Variants in ARX observed in about 807,000 individuals in gnomAD.
ARX encodes aristaless related homeobox.
ARX carries 1 observed loss-of-function variant against 23.1 expected under a neutral mutation model. The observed-to-expected ratio is 0.04, with a 90% confidence interval of 0.02 to 0.21. The LOEUF is 0.21. Ranked by LOEUF, ARX falls within the 10% of genes least tolerant of loss-of-function variation. The pLI is 1.00. For synonymous variants in ARX, 301 were observed against 270.1 expected (o/e 1.11, Z -1.12); for missense variants, 380 against 527.5 (o/e 0.72, Z 2.74).
chrX:25,008,571 C>T (rs1274227667), intron 3 of ARX, among the ~76,000 whole-genome samples: 2 of 111,811 alleles, frequency 1.8e-5, no homozygotes, highest in African/African-American at 6.5e-5. Context: ...GCTCATCACA[C>T]CCACAGCTGG....
intron 1 of ARX, among the ~76,000 whole-genome samples, chrX:25,015,110 A>G (rs1054307338): frequency 1.8e-5 from 2 of 111,943 alleles, no homozygotes; most frequent in Non-Finnish European, 3.8e-5. Context: ...TTGCATATAC[A>G]GAAATCTTCC....
At chrX:25,010,172 C>T (rs1014380289) in intron 3 of ARX, 88 bp downstream of exon 3, 15 of 949,976 alleles carry the variant, frequency 1.6e-5, no homozygotes, top group Non-Finnish European at 2.2e-5. Flanking sequence ...ATCTCACCCC[C>T]CGCACCCCCC....
Position 25,004,808 on chromosome X carries a change from C to T in ARX, c.1551G>A (p.Leu517=). ...AVEGAVASGA[L]ADPATAAADR... ...CTGCGGCCGCCGTGGCCGGGTCGGC[C>T]AGGGCGCCCGATGCCACTGCGCCCT... The change falls in exon 5 of 5, where the codon CTG becomes CTA. Residue 517 remains leucine, a synonymous_variant. Transcript: ENST00000379044. 2 of 1,174,488 alleles carry T rather than the reference C, an allele frequency of 1.7e-6. No individual in the cohort carries two copies. Among genetic ancestry groups the T allele is most frequent in the Non-Finnish European group, 2.3e-6 (2 of 877,351 alleles).
chrX:25,015,721 T>C lies in ARX; in HGVS notation c.17A>G (p.Gln6Arg). The change falls in exon 1 of 5, where the codon CAG (glutamine) becomes CGG (arginine). Residue 6 changes from glutamine to arginine, a missense_variant. Coordinates refer to ENST00000379044, the MANE Select transcript of ARX (RefSeq NM_139058.3). ...GGGCCTCTCGGAGCAGCCCTCCTCC[T>C]GGTACTGATTGCTCATGGCTGGGGC... is the stretch of plus-strand genomic sequence containing the variant. MSNQY[Q>R]EEGCSERPEC... 1 of 1,198,491 alleles carries C rather than the reference T, an allele frequency of 8.3e-7. No homozygotes were observed. The highest frequency in any genetic ancestry group is 1.1e-6 in the Non-Finnish European group (1 of 887,498).
chrX:25,011,139 G>A (rs770797593), intron 2 of ARX, among the ~76,000 whole-genome samples: 7 of 112,243 alleles, frequency 6.2e-5, no homozygotes, highest in African/African-American at 1.9e-4. Flanking sequence ...TTGGCCCTCC[G>A]GCTCGCTAAT....
intron 2 of ARX, among the ~76,000 whole-genome samples, chrX:25,011,213 A>G (rs1343320606): frequency 8.9e-6 from 1 of 112,343 alleles, no homozygotes; most frequent in Non-Finnish European, 1.9e-5. Flanking sequence ...CCCCCAGTCC[A>G]CACCTGAAAC....
rs763796730 is a variant in ARX at position 25,015,613 on chromosome X, C to T, written c.125G>A (p.Arg42Gln). The change falls in exon 1 of 5, where the codon CGG becomes CAG. Residue 42 changes from arginine (R) to glutamine (Q), a missense_variant. Arg to Gln is a conservative substitution (Grantham distance 43, BLOSUM62 1). Coordinates refer to ENST00000379044, the MANE Select transcript of ARX (RefSeq NM_139058.3). ...CAAGCTCTGCGCGGCTCCCAGCAAC[C>T]GCATTTTGCACGGGCTCCTCCGGCC... ...ILGRRSPCKM[R>Q]LLGAAQSLPA... 8.3e-7 allele frequency: 1 copy of T among 1,210,344 alleles called. No homozygotes were observed. The highest frequency in any genetic ancestry group is 1.1e-6 in the Non-Finnish European group (1 of 894,757).
chrX:25,013,465 T>G lies in ARX; in HGVS notation c.530A>C (p.Glu177Ala), dbSNP rs1172475228. Reference sequence around the variant, plus strand: ...CGGCGGCACGAAGGGCGCCCCGTTCTCGCGGTACGACTTGCTGCGGCTGAT... The same window carrying G: ...CGGCGGCACGAAGGGCGCCCCGTTCGCGCGGTACGACTTGCTGCGGCTGAT... Reference protein sequence around the residue: ...VSISRSKSYRENGAPFVPPPP... With the variant: ...VSISRSKSYRANGAPFVPPPP... The change falls in exon 2 of 5, where the codon GAG becomes GCG. Residue 177 changes from glutamate (E) to alanine (A), a missense_variant. Glu to Ala is a moderately radical substitution (Grantham distance 107). Around this residue, in one of 3 missense-constraint regions of ARX, gnomAD observed 235 missense variants for 270.2 expected, o/e 0.87. Transcript: ENST00000379044. 5.4e-6 allele frequency: 5 copies of G among 918,062 alleles called. No individual in the cohort carries two copies. Among genetic ancestry groups the G allele is most frequent in the Non-Finnish European group, 6.7e-6 (5 of 742,879 alleles). 75.7% of individuals were successfully genotyped at this position (918,062 alleles called of 1,213,427 possible).
At chrX:25,011,823 T>C (rs2048703550) in intron 2 of ARX, among the ~76,000 whole-genome samples, 1 of 112,942 alleles carries the variant, frequency 8.9e-6, no homozygotes, top group African/African-American at 3.2e-5. Flanking sequence ...AAAATGCACA[T>C]TGAAAAGCTG....
chrX:25,012,187 C>G (rs1426715436), intron 2 of ARX, among the ~76,000 whole-genome samples: 1 of 112,682 alleles, frequency 8.9e-6, no homozygotes, highest in Non-Finnish European at 1.9e-5. Context: ...ATTGTCCACC[C>G]GGTAAACCCG....
In ARX at chrX:25,004,305, T is replaced by G; in HGVS notation, c.*365A>C. ...AGAAAGAAAGAAAAGAAAGGCTAAG[T>G]GGGGTGTCAGGAGGAAGAGGTTGGG... is the stretch of plus-strand genomic sequence containing the variant. On this transcript the variant is annotated 3_prime_UTR_variant, in exon 5 of 5. Coordinates refer to ENST00000379044, the MANE Select transcript of ARX (RefSeq NM_139058.3). 5.9e-6 allele frequency: 1 copy of G among 169,935 alleles called. No individual in the cohort carries two copies. The highest frequency in any genetic ancestry group is 1.6e-4 in the East Asian group (1 of 6,397). The allele number at this position is 169,935 out of a possible 1,213,427, so 14.0% of individuals were successfully genotyped here. A position where few individuals can be genotyped will look rare whatever the true frequency, so the allele number is the denominator to read the frequency against.
At chrX:25,015,478 G>T in intron 1 of ARX, 64 bp downstream of exon 1, 1 of 1,165,647 alleles carries the variant, frequency 8.6e-7, no homozygotes, top group Non-Finnish European at 1.2e-6. Flanking sequence ...ACTGGCCCCC[G>T]AACACCAAAC....
At chrX:25,007,466 G>T (rs1363018516) in intron 3 of ARX, 27 bp from the exon 4 acceptor site, 2 of 1,143,101 alleles carry the variant, frequency 1.7e-6, no homozygotes, top group Middle Eastern at 2.9e-4. Context: ...GCCCAGGGTC[G>T]GCGCGGCTCG....
chrX:25,006,308 A>C (rs987995574), intron 4 of ARX, among the ~76,000 whole-genome samples: 2 of 112,063 alleles, frequency 1.8e-5, no homozygotes, highest in African/African-American at 3.2e-5. Flanking sequence ...CCGAGTCTTA[A>C]TTTTCTGTAA....
rs2147324330 is a variant in ARX at position 25,013,653 on chromosome X, G to C, written c.342C>G (p.Ala114=). 1.3e-6 allele frequency: 1 copy of C among 768,068 alleles called. No individual in the cohort carries two copies. Among genetic ancestry groups the C allele is most frequent in the Non-Finnish European group, 1.5e-6 (1 of 651,088 alleles). The allele number at this position is 768,068 out of a possible 1,213,427, so 63.3% of individuals were successfully genotyped here. The change falls in exon 2 of 5, where the codon GCC becomes GCG. Residue 114 remains alanine (A), a synonymous_variant. Coordinates refer to ENST00000379044, the MANE Select transcript of ARX (RefSeq NM_139058.3). Reference sequence around the variant, plus strand: ...CGCGTGGACCCGCCGTGGCCGTGGCGGCCGCTGCCGCCGCCGCCGCCGCCG... The same window carrying C: ...CGCGTGGACCCGCCGTGGCCGTGGCCGCCGCTGCCGCCGCCGCCGCCGCCG... ...AAAAAAAAAA[A]ATATAGPRGE... is the part of the protein sequence containing the mutation.
At chrX:25,014,497 G>T (rs111991538) in intron 1 of ARX, among the ~76,000 whole-genome samples, 2 of 112,677 alleles carry the variant, frequency 1.8e-5, no homozygotes, top group South Asian at 7.2e-4. Flanking sequence ...TGCAGGCCGC[G>T]CCCCAACAGC....
rs1261813282 is a variant in ARX, at chrX:25,004,621, G to T, written c.*49C>A. 2 of 1,162,956 alleles carry T rather than the reference G, an allele frequency of 1.7e-6. No homozygotes were observed. Among genetic ancestry groups the T allele is most frequent in the Admixed American group, 5.1e-5 (2 of 38,887 alleles). On this transcript the variant is annotated 3_prime_UTR_variant, in exon 5 of 5. Transcript: ENST00000379044. ...CATTTGGTCTTGAGTGGTGCTGAGTGAGGTGACCTTTCGGGGCGCGCGCGG... is the reference window on the plus strand; with the variant it reads ...CATTTGGTCTTGAGTGGTGCTGAGTTAGGTGACCTTTCGGGGCGCGCGCGG...
intron 1 of ARX, 67 bp downstream of exon 1, chrX:25,015,475 C>T: frequency 3.5e-6 from 4 of 1,158,989 alleles, no homozygotes; most frequent in South Asian, 1.9e-5. Context: ...GCCACTGGCC[C>T]CCGAACACCA....
At chrX:25,006,906 A>G (rs1321247985) in intron 4 of ARX, among the ~76,000 whole-genome samples, 2 of 107,655 alleles carry the variant, frequency 1.9e-5, no homozygotes, top group Non-Finnish European at 3.9e-5. Flanking sequence ...CCCCTTTCCC[A>G]TTAAGTTCCA....
Sources: gnomAD v4.1 joint callset for allele counts (sites outside exome capture counted in the v4.1 genomes callset) on GRCh38, gnomAD v4.1.1 for gene constraint, gnomAD v4.1.1 regional missense constraint, MANE v1.5 for transcripts, NCBI Gene and HGNC (gene_info 2026-07-23, HGNC 2026-07-21) for gene names.